NEGR1: variants seen among roughly 807,000 people sequenced by gnomAD.
NEGR1 encodes IgLON family member 4.
NEGR1 carries 10 observed loss-of-function variants against 40.9 expected under a neutral mutation model. The ratio of observed to expected loss-of-function variants is 0.24; its 90% CI spans 0.15 to 0.42. The LOEUF (loss-of-function observed/expected upper bound fraction) is 0.42, where lower values mean the gene tolerates loss of function less well. Ranked by LOEUF, NEGR1 falls within the 10% of genes least tolerant of loss-of-function variation. The probability of loss-of-function intolerance (pLI) is 1.00; values close to 1 mark genes in which losing one functional copy is unlikely to be tolerated. For missense variants in NEGR1, 352 were observed against 438.9 expected (o/e 0.80, Z 1.77); for synonymous variants, 185 against 166.8 (o/e 1.11, Z -0.84).
intron 5 of NEGR1, among the ~76,000 whole-genome samples, chr1:71,608,603 C>T (rs936501904): frequency 6.7e-6 from 1 of 149,920 alleles, no homozygotes; most frequent in African/African-American, 2.5e-5. Context: ...AACAAAATGG[C>T]CTTTAACAAA....
intron 1 of NEGR1, among the ~76,000 whole-genome samples, chr1:72,174,091 TA>T (rs1398494288): frequency 6.6e-6 from 1 of 152,084 alleles, no homozygotes; most frequent in Non-Finnish European, 1.5e-5. Context: ...TTGTTTTTTT[TA>T]AAAAAACTGT....
intron 6 of NEGR1, among the ~76,000 whole-genome samples, chr1:71,454,009 G>C (rs935116047): frequency 1.3e-5 from 2 of 152,194 alleles, no homozygotes; most frequent in Non-Finnish European, 2.9e-5. Context: ...AACTGTCCCA[G>C]TGGTTTTACA....
chr1:71,852,829 G>A (rs1436777015), intron 2 of NEGR1, among the ~76,000 whole-genome samples: 7 of 150,156 alleles, frequency 4.7e-5, no homozygotes, highest in African/African-American at 1.7e-4. Context: ...TATTCCAAAG[G>A]AATAATCAGA....
intron 2 of NEGR1, among the ~76,000 whole-genome samples, chr1:71,854,450 A>C (rs1419668170): frequency 5.3e-5 from 8 of 152,128 alleles, no homozygotes; most frequent in Non-Finnish European, 1.2e-4. Context: ...ACAGCACCTG[A>C]TATTTAGAAG....
intron 4 of NEGR1, among the ~76,000 whole-genome samples, chr1:71,634,059 C>T (rs771759774): frequency 2.2e-4 from 34 of 151,996 alleles, no homozygotes; most frequent in Admixed American, 2.0e-3. Context: ...GTTATAGGCA[C>T]ACCATGTGGA....
intron 6 of NEGR1, chr1:71,461,721 G>C (rs890863982): frequency 7.2e-5 from 11 of 152,304 alleles, no homozygotes; most frequent in East Asian, 1.9e-4. Flanking sequence ...TGGCTGATGA[G>C]AAGATGGATT....
chr1:71,468,053 T>C, intron 6 of NEGR1, among the ~76,000 whole-genome samples: 1 of 152,090 alleles, frequency 6.6e-6, no homozygotes, highest in Non-Finnish European at 1.5e-5. Flanking sequence ...TAGATTCAAA[T>C]TATTCAAAAT....
intron 1 of NEGR1, chr1:72,100,736 A>G (rs1182873595): frequency 6.6e-6 from 1 of 152,208 alleles, no homozygotes; most frequent in Non-Finnish European, 1.5e-5. Context: ...TTATGTGCCT[A>G]CTGTATACCT....
chr1:71,514,202 C>T (rs1317702819), intron 6 of NEGR1, among the ~76,000 whole-genome samples: 4 of 117,924 alleles, frequency 3.4e-5, no homozygotes, highest in Non-Finnish European at 5.2e-5. Flanking sequence ...CCGGGAAGCT[C>T]GAACTGGGTG....
intron 1 of NEGR1, among the ~76,000 whole-genome samples, chr1:72,061,779 T>C (rs1429768917): frequency 6.6e-6 from 1 of 152,010 alleles, no homozygotes; most frequent in Admixed American, 6.6e-5. Flanking sequence ...CTCATCATGA[T>C]TCTTTATGAC....
chr1:71,534,598 A>G (rs1647457047), intron 6 of NEGR1, among the ~76,000 whole-genome samples: 1 of 151,778 alleles, frequency 6.6e-6, no homozygotes. Context: ...CATCTATCAG[A>G]CATTGCAATT....
intron 1 of NEGR1, among the ~76,000 whole-genome samples, chr1:72,056,294 A>G (rs1647109685): frequency 6.6e-6 from 1 of 151,334 alleles, no homozygotes; most frequent in African/African-American, 2.4e-5. Context: ...TTAATTTTGT[A>G]CATCACAAAT....
At chr1:71,589,027 T>C (rs1052775555) in intron 6 of NEGR1, among the ~76,000 whole-genome samples, 1 of 152,084 alleles carries the variant, frequency 6.6e-6, no homozygotes, top group Admixed American at 6.6e-5. Context: ...ATGTCTCTAT[T>C]TCCTCATCTA....
chr1:71,413,462 C>A (rs1221892041), intron 6 of NEGR1, among the ~76,000 whole-genome samples: 1 of 152,172 alleles, frequency 6.6e-6, no homozygotes, highest in Non-Finnish European at 1.5e-5. Flanking sequence ...AGATGTCTTT[C>A]ATTTTTGCTT....
At chr1:71,521,045 T>C (rs1317966055) in intron 6 of NEGR1, among the ~76,000 whole-genome samples, 1 of 152,072 alleles carries the variant, frequency 6.6e-6, no homozygotes, top group African/African-American at 2.4e-5. Context: ...CTCTAGGGAA[T>C]CTTAATTAGC....
chr1:71,834,043 G>C (rs1041974166), intron 2 of NEGR1, among the ~76,000 whole-genome samples: 1 of 152,074 alleles, frequency 6.6e-6, no homozygotes, highest in East Asian at 1.9e-4. Context: ...ACAAATAAAT[G>C]AGTTTCACTT....
intron 4 of NEGR1, among the ~76,000 whole-genome samples, chr1:71,630,240 C>T (rs942750793): frequency 1.3e-5 from 2 of 151,884 alleles, no homozygotes; most frequent in Non-Finnish European, 2.9e-5. Flanking sequence ...GGATATGATT[C>T]AGCTAGAAAG....
chr1:71,985,662 A>T (rs1646388235), intron 1 of NEGR1, among the ~76,000 whole-genome samples: 1 of 152,232 alleles, frequency 6.6e-6, no homozygotes, highest in South Asian at 2.1e-4. Flanking sequence ...ATTAAATTAT[A>T]TATGTACACA....
At chr1:72,254,869 G>T (rs1655215412) in intron 1 of NEGR1, among the ~76,000 whole-genome samples, 1 of 144,918 alleles carries the variant, frequency 6.9e-6, no homozygotes, top group Admixed American at 6.6e-5. Context: ...ATTTATAGCT[G>T]ATTTTTTTTC....
Sources: gnomAD v4.1 joint callset for allele counts (sites outside exome capture counted in the v4.1 genomes callset) on GRCh38, gnomAD v4.1.1 for gene constraint, MANE v1.5 for transcripts, NCBI Gene and HGNC (gene_info 2026-07-23, HGNC 2026-07-21) for gene names.